MDGA2: variants seen among roughly 807,000 people sequenced by gnomAD.
MDGA2 encodes MAM domain containing glycosylphosphatidylinositol anchor 2, also known as MAM domain-containing glycosylphosphatidylinositol anchor protein 2.
A neutral mutation model predicts 117.8 loss-of-function variants in MDGA2; 40 were observed. That is an observed-to-expected ratio of 0.34 (90% CI 0.26 to 0.44). The LOEUF (loss-of-function observed/expected upper bound fraction) is 0.44. Among genes scored for constraint, MDGA2 ranks in the 20% least tolerant of loss-of-function variants. MDGA2 has a pLI of 1.00. For synonymous variants in MDGA2, 452 were observed against 439.0 expected (o/e 1.03, Z -0.37); for missense variants, 1,123 against 1,250.6 (o/e 0.90, Z 1.54).
intron 1 of MDGA2, among the ~76,000 whole-genome samples, chr14:47,650,036 G>C (rs1179010413): frequency 6.6e-6 from 1 of 152,076 alleles, no homozygotes. Flanking sequence ...TCAACAGACT[G>C]ATTAAAGCAC....
chr14:47,670,299 T>C (rs1270857074), intron 1 of MDGA2, among the ~76,000 whole-genome samples: 1 of 152,170 alleles, frequency 6.6e-6, no homozygotes, highest in Non-Finnish European at 1.5e-5. Context: ...CAGACTTGAG[T>C]TGTATTTTGT....
chr14:47,352,290 C>A (rs1390477355), intron 1 of MDGA2, among the ~76,000 whole-genome samples: 1 of 152,156 alleles, frequency 6.6e-6, no homozygotes, highest in Non-Finnish European at 1.5e-5. Flanking sequence ...TGAAAACACA[C>A]GTGCTCTCCC....
chr14:47,047,725 A>T (rs1009483825), intron 7 of MDGA2, among the ~76,000 whole-genome samples: 1 of 152,008 alleles, frequency 6.6e-6, no homozygotes, highest in African/African-American at 2.4e-5. Context: ...ATACATTTCT[A>T]TATAGATTTT....
intron 8 of MDGA2, among the ~76,000 whole-genome samples, chr14:46,983,521 C>T (rs1886759540): frequency 1.3e-5 from 2 of 151,986 alleles, no homozygotes. Context: ...CAAAAAAATT[C>T]CTACCAAAAG....
intron 9 of MDGA2, among the ~76,000 whole-genome samples, chr14:46,939,369 A>T (rs1954237): frequency 6.6e-6 from 1 of 151,896 alleles, no homozygotes; most frequent in Non-Finnish European, 1.5e-5. Context: ...TTGCTTTGGA[A>T]CCCATAAATA....
chr14:47,349,770 G>C (rs775932255), intron 1 of MDGA2, among the ~76,000 whole-genome samples: 1 of 152,200 alleles, frequency 6.6e-6, no homozygotes, highest in Non-Finnish European at 1.5e-5. Flanking sequence ...GTTCTTCTCT[G>C]AGCTGCAAAT....
At chr14:47,512,981 T>C (rs1894673162) in intron 1 of MDGA2, among the ~76,000 whole-genome samples, 1 of 151,894 alleles carries the variant, frequency 6.6e-6, no homozygotes, top group South Asian at 2.1e-4. Flanking sequence ...AAGTTAGTTA[T>C]TGTATTATTT....
chr14:47,640,972 A>G (rs1374276473), intron 1 of MDGA2, among the ~76,000 whole-genome samples: 1 of 152,000 alleles, frequency 6.6e-6, no homozygotes, highest in East Asian at 1.9e-4. Context: ...CATTTCCCGA[A>G]TAAGCAAGTT....
At chr14:47,329,634 CAAGAAATTTTTTA>C (rs1251758353) in intron 1 of MDGA2, among the ~76,000 whole-genome samples, 1 of 151,838 alleles carries the variant, frequency 6.6e-6, no homozygotes, top group Non-Finnish European at 1.5e-5. Flanking sequence ...TTCTGCTCTC[CAAGAAATTTTTTA>C]AACTATATAT....
intron 1 of MDGA2, among the ~76,000 whole-genome samples, chr14:47,445,610 T>G (rs2000029): frequency 1 from 151,619 of 152,238 alleles, 75,501 homozygotes; most frequent in Middle Eastern, 1. Flanking sequence ...AAAAAATTAT[T>G]GAAAAAACCC....
rs1007099818 is a variant in MDGA2, at chr14:47,158,790, T to C, written c.596-14516A>G. On this transcript the variant is annotated intron_variant, in intron 3 of 16. Coordinates refer to ENST00000399232, the MANE Select transcript of MDGA2 (RefSeq NM_001113498.3). ...CTAATTGCTAAAACTTGTAGACAAC[T>C]AAGATGTCCTTCAGTGGGTAAACTG... Among the ~76,000 whole-genome samples the C allele has an allele frequency of 9.8e-5, 15 of 152,310 alleles. No individual in the cohort carries two copies. In the East Asian group the frequency reaches 2.1e-3, roughly 22 times the overall value.
intron 3 of MDGA2, among the ~76,000 whole-genome samples, chr14:47,210,976 T>C (rs1355539685): frequency 2.0e-5 from 3 of 152,134 alleles, no homozygotes; most frequent in East Asian, 1.9e-4. Context: ...CAGCAAACCC[T>C]GTCTCTAAAA....
intron 1 of MDGA2, among the ~76,000 whole-genome samples, chr14:47,560,626 C>G (rs1895781033): frequency 6.6e-6 from 1 of 152,076 alleles, no homozygotes; most frequent in African/African-American, 2.4e-5. Flanking sequence ...GTCAGGTGCA[C>G]AGTTTGCAAA....
intron 2 of MDGA2, among the ~76,000 whole-genome samples, chr14:47,221,443 C>T (rs1332092248): frequency 6.6e-6 from 1 of 152,144 alleles, no homozygotes; most frequent in East Asian, 1.9e-4. Context: ...AATCCCGGCA[C>T]TTTGGGAGGC....
rs186338999 is a variant in MDGA2 at position 46,982,813 on chromosome 14, G to T, written c.1820-25170C>A. On this transcript the variant is annotated intron_variant, in intron 8 of 16. Transcript: ENST00000399232. ...TACCCTTTATTTCCTTCTCCTGCCT[G>T]ATTGCCCTGGCCAGAACTTCCAACA... 5.2e-3 allele frequency among the ~76,000 whole-genome samples: 776 copies of T among 149,390 alleles called. 5 individuals are homozygous for T. Among genetic ancestry groups the T allele is most frequent in the African/African-American group, 0.018 (742 of 40,524 alleles).
At chr14:47,170,928 A>G (rs1364667875) in intron 3 of MDGA2, among the ~76,000 whole-genome samples, 1 of 152,162 alleles carries the variant, frequency 6.6e-6, no homozygotes, top group South Asian at 2.1e-4. Flanking sequence ...TAAACTTTAA[A>G]TGTTTCGCTT....
At chr14:47,630,257 A>G (rs1435378344) in intron 1 of MDGA2, among the ~76,000 whole-genome samples, 7 of 152,178 alleles carry the variant, frequency 4.6e-5, no homozygotes, top group Admixed American at 1.3e-4. Context: ...AAAAAGTTAC[A>G]TATTTTTATA....
chr14:47,412,712 G>T (rs997573611), intron 1 of MDGA2, among the ~76,000 whole-genome samples: 4 of 152,226 alleles, frequency 2.6e-5, no homozygotes, highest in Admixed American at 1.3e-4. Flanking sequence ...TGAAAGAAAT[G>T]CTCCAGGCTA....
intron 2 of MDGA2, among the ~76,000 whole-genome samples, chr14:47,256,619 T>C (rs557608770): frequency 6.6e-6 from 1 of 152,336 alleles, no homozygotes; most frequent in East Asian, 1.9e-4. Context: ...GAAATTCTGA[T>C]ACTCCATTAG....
Sources: allele counts gnomAD v4.1 joint callset (sites outside exome capture counted in the v4.1 genomes callset), GRCh38; gene constraint gnomAD v4.1.1; transcripts MANE v1.5; gene names NCBI Gene and HGNC (gene_info 2026-07-23, HGNC 2026-07-21).